EPHA6: variants seen among roughly 807,000 people sequenced by gnomAD.
EPHA6 encodes EPH receptor A6.
A neutral mutation model predicts 112.0 loss-of-function variants in EPHA6; 50 were observed. The observed-to-expected ratio is 0.45, with a 90% CI of 0.36 to 0.56. The LOEUF is 0.56. Among genes scored for constraint, EPHA6 ranks in the 20% least tolerant of loss-of-function variants. The pLI is 0.00. For missense variants in EPHA6, 1,280 were observed against 1,417.4 expected, an observed-to-expected ratio of 0.90 and a Z score of 1.56; for synonymous variants, 529 against 490.7, an observed-to-expected ratio of 1.08 and a Z score of -1.03.
chr3:97,107,156 G>A (rs1180132031), intron 3 of EPHA6, among the ~76,000 whole-genome samples: 1 of 152,010 alleles, frequency 6.6e-6, no homozygotes, highest in Admixed American at 6.6e-5. Context: ...TTATATATGG[G>A]CATTTACAAT....
At chr3:97,189,365 C>T (rs955375889) in intron 3 of EPHA6, among the ~76,000 whole-genome samples, 2 of 151,836 alleles carry the variant, frequency 1.3e-5, no homozygotes, top group African/African-American at 4.8e-5. Context: ...TCATGCAGTT[C>T]CTAGAAAGTT....
chr3:96,839,245 A>C (rs988255660), intron 1 of EPHA6, among the ~76,000 whole-genome samples: 4 of 152,104 alleles, frequency 2.6e-5, no homozygotes, highest in Non-Finnish European at 5.9e-5. Context: ...TGGGCAAGCA[A>C]GCATTACCGC....
At chr3:97,610,751 G>A in intron 12 of EPHA6, 42 bp from the exon 13 acceptor site, 1 of 1,507,024 alleles carries the variant, frequency 6.6e-7, no homozygotes, top group Non-Finnish European at 9.2e-7. Context: ...ACATATTTCT[G>A]TAATTGCTCT....
chr3:97,450,425 T>C (rs1188803927), intron 7 of EPHA6, among the ~76,000 whole-genome samples: 1 of 152,124 alleles, frequency 6.6e-6, no homozygotes, highest in Non-Finnish European at 1.5e-5. Context: ...ACCTGACTTT[T>C]AAAGTTTGAC....
chr3:96,983,027 T>C (rs1247124380), intron 2 of EPHA6, among the ~76,000 whole-genome samples: 3 of 152,334 alleles, frequency 2.0e-5, no homozygotes, highest in East Asian at 3.9e-4. Flanking sequence ...CTGTGTCTTT[T>C]AATTGGAGCA....
At chr3:97,452,373 T>A (rs1337751112) in intron 7 of EPHA6, among the ~76,000 whole-genome samples, 4 of 151,882 alleles carry the variant, frequency 2.6e-5, no homozygotes, top group African/African-American at 7.2e-5. Context: ...GACAGATTGA[T>A]AGATGGATCA....
chr3:96,915,653 C>T (rs374480742), intron 2 of EPHA6, among the ~76,000 whole-genome samples: 7 of 152,008 alleles, frequency 4.6e-5, no homozygotes, highest in African/African-American at 9.7e-5. Flanking sequence ...TAAAAATATG[C>T]GTCATTCTAA....
chr3:97,497,245 C>T (rs560194545), intron 10 of EPHA6, among the ~76,000 whole-genome samples: 2 of 152,310 alleles, frequency 1.3e-5, no homozygotes, highest in South Asian at 4.1e-4. Flanking sequence ...CTCCACCAAC[C>T]TTTCCTTCAC....
intron 7 of EPHA6, among the ~76,000 whole-genome samples, chr3:97,451,285 A>C (rs957484197): frequency 6.6e-6 from 1 of 151,964 alleles, no homozygotes; most frequent in Non-Finnish European, 1.5e-5. Context: ...TACCTCATTT[A>C]ATTCTGACAA....
chr3:97,014,617 C>T (rs2044204316), intron 3 of EPHA6, among the ~76,000 whole-genome samples: 1 of 152,134 alleles, frequency 6.6e-6, no homozygotes, highest in Non-Finnish European at 1.5e-5. Context: ...CATAAATTAG[C>T]AATGCTTGCA....
chr3:97,017,492 A>G (rs1321898263), intron 3 of EPHA6, among the ~76,000 whole-genome samples: 4 of 152,172 alleles, frequency 2.6e-5, no homozygotes, highest in African/African-American at 7.2e-5. Context: ...CGCACATGCT[A>G]AAGTGCTTGG....
At chr3:97,144,402 A>C (rs7622289) in intron 3 of EPHA6, among the ~76,000 whole-genome samples, 16,368 of 150,734 alleles carry the variant, frequency 0.11, 1,257 homozygotes, top group African/African-American at 0.21. Flanking sequence ...ATTCCTATGC[A>C]CCCCAGCTCA....
intron 5 of EPHA6, among the ~76,000 whole-genome samples, chr3:97,311,982 T>G (rs976467121): frequency 3.3e-5 from 5 of 151,646 alleles, no homozygotes; most frequent in African/African-American, 1.2e-4. Flanking sequence ...TCCACATACT[T>G]AGAGTGTAAT....
intron 10 of EPHA6, among the ~76,000 whole-genome samples, chr3:97,529,081 G>A (rs1163220792): frequency 1.3e-5 from 2 of 152,100 alleles, no homozygotes; most frequent in Non-Finnish European, 2.9e-5. Context: ...TATTACAATA[G>A]TTGGTTTGAA....
intron 5 of EPHA6, among the ~76,000 whole-genome samples, chr3:97,375,778 AC>A (rs2108999213): frequency 6.6e-6 from 1 of 152,308 alleles, no homozygotes; most frequent in South Asian, 2.1e-4. Context: ...ACATGCCCCA[AC>A]ATGGATGAAT....
chr3:96,964,947 G>A (rs2042071475), intron 2 of EPHA6, among the ~76,000 whole-genome samples: 1 of 152,104 alleles, frequency 6.6e-6, no homozygotes, highest in Non-Finnish European at 1.5e-5. Context: ...GAATCGGGCA[G>A]CCCCCAGAAT....
chr3:97,396,070 A>G (rs2086676363), intron 5 of EPHA6, among the ~76,000 whole-genome samples: 1 of 151,766 alleles, frequency 6.6e-6, no homozygotes, highest in Admixed American at 6.6e-5. Flanking sequence ...AAAAATGGAT[A>G]AGAAGCTATC....
intron 11 of EPHA6, chr3:97,590,244 G>A (rs2093530480): frequency 6.6e-6 from 1 of 152,128 alleles, no homozygotes; most frequent in African/African-American, 2.4e-5. Flanking sequence ...CCTTAAGGAA[G>A]AGATGCCACA....
chr3:97,488,003 G>A (rs570584023), intron 10 of EPHA6, among the ~76,000 whole-genome samples: 3 of 152,136 alleles, frequency 2.0e-5, no homozygotes, highest in Non-Finnish European at 4.4e-5. Context: ...TCATTGAAAG[G>A]TTGTCCCTCT....
Sources: allele counts gnomAD v4.1 joint callset (sites outside exome capture counted in the v4.1 genomes callset), GRCh38; gene constraint gnomAD v4.1.1; transcripts MANE v1.5; gene names NCBI Gene and HGNC (gene_info 2026-07-23, HGNC 2026-07-21).